The following MDFIC variants were observed in gnomAD, a reference collection of about 807,000 sequenced individuals.
The protein encoded by MDFIC is myoD family inhibitor domain-containing protein.
In MDFIC, 17 loss-of-function variants were observed where a neutral mutation model predicts 23.2. The observed-to-expected ratio is 0.73, with a 90% confidence interval of 0.50 to 1.10. The LOEUF is 1.10. Among genes scored for constraint, MDFIC ranks in the 50% least tolerant of loss-of-function variants. The pLI is 0.00. For synonymous variants in MDFIC, 120 were observed against 115.2 expected, an observed-to-expected ratio of 1.04 and a Z score of -0.27; for missense variants, 356 against 316.6, an observed-to-expected ratio of 1.12 and a Z score of -0.95.
At chr7:114,986,398 A>C (rs1793514595) in intron 4 of MDFIC, among the ~76,000 whole-genome samples, 1 of 152,144 alleles carries the variant, frequency 6.6e-6, no homozygotes, top group African/African-American at 2.4e-5. Flanking sequence ...TGGGTAGGGC[A>C]CACAGCTTTA....
In MDFIC at chr7:114,968,104, A is replaced by G. The variant is rs191331449; in HGVS notation, c.218-11402A>G. On this transcript the variant is annotated intron_variant, in intron 3 of 4. Transcript: ENST00000393486. ...TGTGCTGGGATTACAGGCATGAGCC[A>G]CTGTGCCCAGCCTCAATCGTGTTAA... Among the ~76,000 whole-genome samples, 209 of 152,288 alleles carry G rather than the reference A, an allele frequency of 1.4e-3. 3 individuals are homozygous for G. Among genetic ancestry groups the G allele is most frequent in the Non-Finnish European group, 1.7e-3 (115 of 68,020 alleles).
At chr7:114,992,484 G>T (rs1402652316) in intron 4 of MDFIC, among the ~76,000 whole-genome samples, 1 of 152,122 alleles carries the variant, frequency 6.6e-6, no homozygotes, top group Non-Finnish European at 1.5e-5. Flanking sequence ...TTGGCTGTGG[G>T]TTTGTCATAA....
chr7:115,003,568 C>T (rs990225257), intron 4 of MDFIC, among the ~76,000 whole-genome samples: 1 of 152,112 alleles, frequency 6.6e-6, no homozygotes, highest in Non-Finnish European at 1.5e-5. Context: ...CTGTCTGACC[C>T]CACTGGCACT....
intron 3 of MDFIC, among the ~76,000 whole-genome samples, chr7:114,952,295 C>T (rs1394043162): frequency 2.6e-5 from 4 of 152,164 alleles, no homozygotes; most frequent in Admixed American, 2.0e-4. Flanking sequence ...CAGCAGAAAG[C>T]AGGAAGACCT....
chr7:114,923,446 G>A (rs945993169), intron 2 of MDFIC: 2 of 1,537,468 alleles, frequency 1.3e-6, no homozygotes, highest in Non-Finnish European at 1.7e-6. Flanking sequence ...GTTCTGAAGC[G>A]CTTCTCCTCT....
intron 3 of MDFIC, among the ~76,000 whole-genome samples, chr7:114,962,867 C>T (rs1256271379): frequency 6.6e-6 from 1 of 152,204 alleles, no homozygotes; most frequent in Non-Finnish European, 1.5e-5. Flanking sequence ...TAAAGAGCAT[C>T]AAATCATTCA....
At chr7:114,961,778 A>G (rs1792997068) in intron 3 of MDFIC, among the ~76,000 whole-genome samples, 1 of 152,152 alleles carries the variant, frequency 6.6e-6, no homozygotes, top group South Asian at 2.1e-4. Context: ...TCATGAGAAT[A>G]GCAAGGGGGA....
intron 3 of MDFIC, among the ~76,000 whole-genome samples, chr7:114,962,546 A>G (rs115607485): frequency 6.6e-6 from 1 of 152,282 alleles, no homozygotes; most frequent in African/African-American, 2.4e-5. Context: ...CAGTATTAGA[A>G]TTATGATTCT....
rs777690687 is a variant in MDFIC, at chr7:115,015,772, G to A, written c.578G>A (p.Gly193Asp). The A allele has an allele frequency of 2.8e-5, 45 of 1,614,094 alleles. No individual in the cohort carries two copies. Among genetic ancestry groups the A allele is most frequent in the Non-Finnish European group, 3.2e-5 (38 of 1,180,046 alleles). The change falls in exon 5 of 5, where the codon GGC (glycine) becomes GAC (aspartate). Residue 193 changes from glycine to aspartate, a missense_variant. Gly to Asp is a moderately conservative substitution (Grantham distance 94). Coordinates refer to ENST00000393486, the MANE Select transcript of MDFIC (RefSeq NM_001166345.3). ...ATTGTCCTGGGACAAGCGTCATGTG[G>A]CATCTGCACCTCAGAAGCCTGCTGC... ...CNIVLGQASCGICTSEACCCC... is the reference protein window; with the variant it reads ...CNIVLGQASCDICTSEACCCC...
In MDFIC at chr7:114,922,453, G is replaced by A. The variant is rs1037108894; in HGVS notation, c.-291G>A. The A allele has an allele frequency of 3.2e-6, 4 of 1,244,620 alleles. No individual in the cohort carries two copies. The highest frequency in any genetic ancestry group is 3.1e-5 in the African/African-American group (2 of 64,474). The allele number at this position is 1,244,620 out of a possible 1,614,324, so 77.1% of individuals were successfully genotyped here. A position where few individuals can be genotyped will look rare whatever the true frequency, so the allele number is the denominator to read the frequency against. Reference sequence around the variant, plus strand: ...CAGAGCCGCCACCGCTGCCGCAGTTGCCGCCACTGCGGCGTCTGGGCTGAG... The same window carrying A: ...CAGAGCCGCCACCGCTGCCGCAGTTACCGCCACTGCGGCGTCTGGGCTGAG... On this transcript the variant is annotated 5_prime_UTR_variant, in exon 1 of 5. Transcript: ENST00000393486.
intron 2 of MDFIC, 197 bp downstream of exon 2, chr7:114,923,324 C>A: frequency 8.7e-7 from 1 of 1,152,846 alleles, no homozygotes; most frequent in Non-Finnish European, 1.2e-6. Flanking sequence ...GGTAAGAGGG[C>A]GGGAACCGTT....
chr7:114,975,899 G>A lies in MDFIC; in HGVS notation c.218-3607G>A, dbSNP rs73445410. On this transcript the variant is annotated intron_variant, in intron 3 of 4. Coordinates refer to ENST00000393486, the MANE Select transcript of MDFIC (RefSeq NM_001166345.3). Reference sequence around the variant, plus strand: ...AAACTAGAGTAAAGGGATAATACTTGGTTATCTGATCATAATCCAAACTAT... The same window carrying A: ...AAACTAGAGTAAAGGGATAATACTTAGTTATCTGATCATAATCCAAACTAT... Among the ~76,000 whole-genome samples the A allele has an allele frequency of 5.1e-3, 772 of 152,052 alleles. 7 individuals are homozygous for A. Among genetic ancestry groups the A allele is most frequent in the African/African-American group, 0.018 (737 of 41,502 alleles).
intron 4 of MDFIC, among the ~76,000 whole-genome samples, chr7:115,005,141 C>T (rs1177402045): frequency 6.6e-6 from 1 of 152,206 alleles, no homozygotes; most frequent in South Asian, 2.1e-4. Context: ...TTGAAACAAA[C>T]TTAGCATTTT....
intron 3 of MDFIC, among the ~76,000 whole-genome samples, chr7:114,957,784 A>T (rs1319090996): frequency 6.6e-6 from 1 of 152,228 alleles, no homozygotes; most frequent in Non-Finnish European, 1.5e-5. Flanking sequence ...AAAAGTTCAT[A>T]GTTTGCTCAT....
At chr7:114,922,713 T>C in intron 1 of MDFIC, 77 bp downstream of exon 1, 2 of 1,363,608 alleles carry the variant, frequency 1.5e-6, no homozygotes, top group African/African-American at 3.1e-5. Flanking sequence ...CCGATCTCTC[T>C]TTCCAGCCCC....
rs77449331 is a variant in MDFIC, at chr7:115,013,861, A to C, written c.494-1827A>C. 1.9e-3 allele frequency: 809 copies of C among 422,512 alleles called. 3 individuals carry two copies. Among genetic ancestry groups the C allele is most frequent in the Middle Eastern group, 2.4e-3 (2 of 848 alleles). 26.2% of individuals were successfully genotyped at this position (422,512 alleles called of 1,614,324 possible). ...GTTGTAAGGTCATGGGCCTTTATTC[A>C]TGTAGGTGGATTTTAGAGATCCCCT... On this transcript the variant is annotated intron_variant, in intron 4 of 4. Coordinates refer to ENST00000393486, the MANE Select transcript of MDFIC (RefSeq NM_001166345.3).
chr7:114,949,202 T>C (rs1422286816), intron 3 of MDFIC, among the ~76,000 whole-genome samples: 1 of 152,216 alleles, frequency 6.6e-6, no homozygotes, highest in Non-Finnish European at 1.5e-5. Context: ...TTAAAGGTTT[T>C]TAATCTCTTC....
At position 115,018,024 on chromosome 7, in the gene MDFIC, T is replaced by C. The variant is rs1008570918; in HGVS notation, c.*2089T>C. 6.6e-6 allele frequency: 1 copy of C among 151,992 alleles called. No individual in the cohort carries two copies. Among genetic ancestry groups the C allele is most frequent in the Non-Finnish European group, 1.5e-5 (1 of 67,870 alleles). 9.4% of individuals were successfully genotyped at this position (151,992 alleles called of 1,614,324 possible). The stretch of plus-strand genomic sequence containing the variant: ...ACTTAGCAAACTTTTGAATCTTTCT[T>C]TTATTGCTATTTACACATACATACA... On this transcript the variant is annotated 3_prime_UTR_variant, in exon 5 of 5. Transcript: ENST00000393486.
intron 4 of MDFIC, among the ~76,000 whole-genome samples, chr7:115,011,611 G>A (rs1201598740): frequency 6.6e-6 from 1 of 152,134 alleles, no homozygotes; most frequent in Non-Finnish European, 1.5e-5. Flanking sequence ...TATTTTAACA[G>A]GCAAATTAAT....
Sources: allele counts gnomAD v4.1 joint callset (sites outside exome capture counted in the v4.1 genomes callset), GRCh38; gene constraint gnomAD v4.1.1; transcripts MANE v1.5; gene names NCBI Gene and HGNC (gene_info 2026-07-23, HGNC 2026-07-21).